The following RAB11FIP4 variants were observed in gnomAD, a reference collection of about 807,000 sequenced individuals.
RAB11FIP4 encodes the protein RAB11 family interacting protein 4.
A neutral mutation model predicts 74.3 loss-of-function variants in RAB11FIP4; 23 were observed. The observed-to-expected ratio is 0.31, with a 90% confidence interval of 0.22 to 0.44. RAB11FIP4 has a LOEUF of 0.44. Ranked by LOEUF, RAB11FIP4 falls within the 20% of genes least tolerant of loss-of-function variation. RAB11FIP4 has a pLI of 1.00. For missense variants in RAB11FIP4, 630 were observed against 863.9 expected, an observed-to-expected ratio of 0.73 and a Z score of 3.39; for synonymous variants, 360 against 359.9, an observed-to-expected ratio of 1.00 and a Z score of 0.00.
At position 31,537,059 on chromosome 17, in the gene RAB11FIP4, C is replaced by T. The variant is rs1269365155; in HGVS notation, c.*5327C>T. ...GCTGTTGTCCCCAGGGTGACCCTGC[C>T]TCCTGCTGGGGCCCATCCGCTTTGC... On this transcript the variant is annotated 3_prime_UTR_variant, in exon 15 of 15. Transcript: ENST00000621161. 2.5e-6 allele frequency: 1 copy of T among 399,262 alleles called. No homozygotes were observed. Among genetic ancestry groups the T allele is most frequent in the African/African-American group, 2.1e-5 (1 of 48,648 alleles). The allele number at this position is 399,262 out of a possible 1,614,324, so 24.7% of individuals were successfully genotyped here.
intron 3 of RAB11FIP4, among the ~76,000 whole-genome samples, chr17:31,472,728 G>C (rs1215170411): frequency 6.6e-6 from 1 of 152,130 alleles, no homozygotes; most frequent in Non-Finnish European, 1.5e-5. Context: ...CGTGAGCCGA[G>C]CCAGACAGAA....
intron 3 of RAB11FIP4, among the ~76,000 whole-genome samples, chr17:31,436,905 A>G (rs937740782): frequency 2.6e-5 from 4 of 151,136 alleles, no homozygotes; most frequent in African/African-American, 9.7e-5. Context: ...CTCCTGCCTC[A>G]GCCTCCTGAG....
intron 3 of RAB11FIP4, among the ~76,000 whole-genome samples, chr17:31,498,068 C>T (rs1661393027): frequency 6.6e-6 from 1 of 152,072 alleles, no homozygotes; most frequent in Admixed American, 6.5e-5. Context: ...GAGGCTGAGA[C>T]CTGCTGGAAG....
intron 1 of RAB11FIP4, among the ~76,000 whole-genome samples, chr17:31,398,626 C>T (rs993858781): frequency 1.3e-5 from 2 of 152,220 alleles, no homozygotes; most frequent in Admixed American, 6.5e-5. Flanking sequence ...CCCTTATGGG[C>T]GTCCAGCCCA....
chr17:31,401,358 A>G (rs1035404247), intron 1 of RAB11FIP4, among the ~76,000 whole-genome samples: 1 of 152,026 alleles, frequency 6.6e-6, no homozygotes, highest in African/African-American at 2.4e-5. Flanking sequence ...AGGGTCACCA[A>G]TTCCCTGCAA....
Position 31,431,846 on chromosome 17 carries a change from G to C in RAB11FIP4, c.193G>C (p.Asp65His). Residue 65 changes from aspartate (D) to histidine (H), a missense_variant, in exon 2 of 15, where the codon GAC becomes CAC. By Grantham distance (81) the Asp-to-His change is moderately conservative (BLOSUM62 -1). Coordinates refer to ENST00000621161, the MANE Select transcript of RAB11FIP4 (RefSeq NM_032932.6). ...ACTTGTGAAATATTTGGATCCCAAC[G>C]ACCTGGGGAGAATCAACTTCAAGGA... Reference protein sequence around the residue: ...EKLVKYLDPNDLGRINFKDFC... With the variant: ...EKLVKYLDPNHLGRINFKDFC... The C allele has an allele frequency of 6.2e-7, 1 of 1,612,752 alleles. No homozygotes were observed. The highest frequency in any genetic ancestry group is 8.5e-7 in the Non-Finnish European group (1 of 1,179,288).
chr17:31,392,183 G>A (rs778688488), intron 1 of RAB11FIP4, 172 bp downstream of exon 1: 9 of 476,544 alleles, frequency 1.9e-5, no homozygotes, highest in Non-Finnish European at 2.3e-5. Context: ...CCCTGGCCCA[G>A]CCGGGCCCTC....
intron 3 of RAB11FIP4, among the ~76,000 whole-genome samples, chr17:31,464,303 C>T (rs2071663318): frequency 6.6e-6 from 1 of 151,736 alleles, no homozygotes; most frequent in South Asian, 2.1e-4. Context: ...CTCGTGGGCC[C>T]ACTCATGACA....
At chr17:31,433,252 G>C (rs2071326683) in intron 2 of RAB11FIP4, among the ~76,000 whole-genome samples, 1 of 152,188 alleles carries the variant, frequency 6.6e-6, no homozygotes, top group African/African-American at 2.4e-5. Context: ...GGAGTCCCAG[G>C]GTGTCTGCTT....
chr17:31,456,791 G>C (rs953836372), intron 3 of RAB11FIP4, among the ~76,000 whole-genome samples: 3 of 152,136 alleles, frequency 2.0e-5, no homozygotes, highest in Non-Finnish European at 4.4e-5. Flanking sequence ...GTCAGGAAGA[G>C]ATAAAAAGGA....
chr17:31,408,729 G>A (rs2071065129), intron 1 of RAB11FIP4, among the ~76,000 whole-genome samples: 2 of 152,250 alleles, frequency 1.3e-5, no homozygotes, highest in South Asian at 4.1e-4. Flanking sequence ...GTGGGCACAG[G>A]AGACATCGCC....
At chr17:31,419,287 GT>G (rs61327359) in intron 1 of RAB11FIP4, among the ~76,000 whole-genome samples, 227 of 137,670 alleles carry the variant, frequency 1.6e-3, no homozygotes, top group African/African-American at 3.8e-3. Flanking sequence ...GAGTTTTTTT[GT>G]TTTTTTTTTT....
chr17:31,535,985 A>G lies in RAB11FIP4; in HGVS notation c.*4253A>G, dbSNP rs1325296335. 3.0e-5 allele frequency: 4 copies of G among 134,044 alleles called. No homozygotes were observed. The highest frequency in any genetic ancestry group is 6.2e-5 in the Non-Finnish European group (4 of 64,104). The allele number at this position is 134,044 out of a possible 1,614,324, so 8.3% of individuals were successfully genotyped here. On this transcript the variant is annotated 3_prime_UTR_variant, in exon 15 of 15. Transcript: ENST00000621161. ...TGTTAGCCAAACCAGCATCCTACTC[A>G]CACACCGGACACTCCAGGTGCTAGT...
In RAB11FIP4 at chr17:31,445,588, T is replaced by A. The variant is rs1413388665; in HGVS notation, c.336+11466T>A. ...TATATATATATATATATTTTTTTTT[T>A]TTTTTTTTTTTTTTTGACACGGAGT... On this transcript the variant is annotated intron_variant, in intron 3 of 14. Transcript: ENST00000621161. Among the ~76,000 whole-genome samples, 362 of 80,732 alleles carry A rather than the reference T, an allele frequency of 4.5e-3. 3 individuals carry two copies. The highest frequency in any genetic ancestry group is 6.0e-3 in the Non-Finnish European group (254 of 42,406). The allele number at this position is 80,732 out of a possible 152,430, so 53.0% of individuals were successfully genotyped here.
rs750347177 is a variant in RAB11FIP4 at position 31,528,511 on chromosome 17, G to A, written c.1462G>A (p.Glu488Lys). ...MMDKLRQNRL[E>K]FQKEREATQE... is the part of the protein sequence containing the mutation. ...GGACAAGCTGCGACAGAACCGCCTT[G>A]AGTTCCAGAAGGAGCGGGAGGCGAC... The change falls in exon 12 of 15, where the codon GAG (glutamate) becomes AAG (lysine). Residue 488 changes from glutamate (E) to lysine (K), a missense_variant. Glu to Lys is a moderately conservative substitution (Grantham distance 56). Coordinates refer to ENST00000621161, the MANE Select transcript of RAB11FIP4 (RefSeq NM_032932.6). 5 of 1,613,802 alleles carry A rather than the reference G, an allele frequency of 3.1e-6. No homozygotes were observed. The highest frequency in any genetic ancestry group is 1.7e-5 in the Admixed American group (1 of 60,008).
chr17:31,395,699 A>G (rs1339755988), intron 1 of RAB11FIP4, among the ~76,000 whole-genome samples: 1 of 152,190 alleles, frequency 6.6e-6, no homozygotes, highest in Non-Finnish European at 1.5e-5. Flanking sequence ...AGCCAAGTGG[A>G]GACTAAGGAG....
chr17:31,515,537 G>A, intron 3 of RAB11FIP4, among the ~76,000 whole-genome samples: 1 of 151,954 alleles, frequency 6.6e-6, no homozygotes, highest in East Asian at 1.9e-4. Context: ...GGTAGCAGCA[G>A]ACGGCTGCAC....
intron 3 of RAB11FIP4, among the ~76,000 whole-genome samples, chr17:31,473,052 A>G (rs907043124): frequency 1.3e-5 from 2 of 151,976 alleles, no homozygotes; most frequent in Non-Finnish European, 2.9e-5. Flanking sequence ...AAAAGAAAAA[A>G]GAAGTGAGGG....
chr17:31,424,023 T>C (rs1567650594), intron 1 of RAB11FIP4, among the ~76,000 whole-genome samples: 2 of 152,076 alleles, frequency 1.3e-5, no homozygotes, highest in Non-Finnish European at 2.9e-5. Flanking sequence ...CCCACTCGAT[T>C]TTTCCCAGGA....
Sources: gnomAD v4.1 joint callset for allele counts (sites outside exome capture counted in the v4.1 genomes callset) on GRCh38, gnomAD v4.1.1 for gene constraint, MANE v1.5 for transcripts, NCBI Gene and HGNC (gene_info 2026-07-23, HGNC 2026-07-21) for gene names.